The following APOB variants were observed in gnomAD, a reference collection of about 807,000 sequenced individuals.
APOB encodes apolipoprotein B-100.
A neutral mutation model predicts 314.1 loss-of-function variants in APOB; 153 were observed. The observed-to-expected ratio is 0.49, with a 90% CI of 0.43 to 0.56. APOB has a LOEUF of 0.56. Ranked by LOEUF, APOB falls within the 20% of genes least tolerant of loss-of-function variation. The pLI, the probability that APOB is intolerant of heterozygous loss-of-function variation, is 0.00. For missense variants in APOB, 5,430 were observed against 5,350.7 expected, an observed-to-expected ratio of 1.01 and a Z score of -0.46; for synonymous variants, 2,087 against 2,036.4, an observed-to-expected ratio of 1.02 and a Z score of -0.67.
rs1243227858 is a variant in APOB, at chr2:21,008,050, C to T, written c.8818G>A (p.Gly2940Arg). 1 of 1,613,934 alleles carries T rather than the reference C, an allele frequency of 6.2e-7. No homozygotes were observed. The highest frequency in any genetic ancestry group is 1.3e-5 in the African/African-American group (1 of 74,894). Reference sequence around the variant, plus strand: ...AAACTAATTTGTGATTCATGTGTTCCCTCATCTGAGAATCTGGGGCAGGCC... The same window carrying T: ...AAACTAATTTGTGATTCATGTGTTCTCTCATCTGAGAATCTGGGGCAGGCC... ...KWACPRFSDE[G>R]THESQISFTI... Residue 2940 changes from glycine (G) to arginine (R), a missense_variant, in exon 26 of 29, where the codon GGA (glycine) becomes AGA (arginine). Gly to Arg is a moderately radical substitution (Grantham distance 125). Transcript: ENST00000233242.
chr2:21,043,612 C>T, intron 1 of APOB, 61 bp from the exon 2 acceptor site: 1 of 1,561,116 alleles, frequency 6.4e-7, no homozygotes, highest in Admixed American at 1.9e-5. Flanking sequence ...GTGCTAGGGC[C>T]CGACAGGGGG....
chr2:21,027,774 T>C, intron 14 of APOB, 54 bp downstream of exon 14: 1 of 1,390,424 alleles, frequency 7.2e-7, no homozygotes, highest in Non-Finnish European at 1.0e-6. Flanking sequence ...AGGGACTCTC[T>C]GTTTATGATG....
Position 21,027,839 on chromosome 2 carries a change from C to G in APOB, c.2056G>C (p.Asp686His). The G allele has an allele frequency of 6.2e-7, 1 of 1,612,936 alleles. No homozygotes were observed. Among genetic ancestry groups the G allele is most frequent in the Non-Finnish European group, 8.5e-7 (1 of 1,178,930 alleles). ...CTCTTCACACTTACCTCGATGAGGT[C>G]AGCTGAAGCAAATCCAAAGGCAGTG... is the stretch of plus-strand genomic sequence containing the variant. ...TLTAFGFASA[D>H]LIEIGLEGKG... The change falls in exon 14 of 29, where the codon GAC becomes CAC. Residue 686 changes from aspartate (D) to histidine (H), a missense_variant. Physicochemically the swap from Asp to His is moderately conservative, Grantham distance 81. Around this residue, in one of 3 missense-constraint regions of APOB, gnomAD observed 2,085 missense variants for 2,079.7 expected, o/e 1.00. Transcript: ENST00000233242.
In APOB at chr2:21,019,657, G is replaced by A; in HGVS notation, c.2999+66C>T. The A allele has an allele frequency of 4.0e-6, 6 of 1,507,742 alleles. 2 individuals carry two copies. The South Asian group carries it at 6.9e-5, about 17-fold the overall frequency. The allele number at this position is 1,507,742 out of a possible 1,614,324, so 93.4% of individuals were successfully genotyped here. A position where few individuals can be genotyped will look rare whatever the true frequency, so the allele number is the denominator to read the frequency against. Reference sequence around the variant, plus strand: ...TACAACACAGAGTATTTTTTCCTGTGCCATGCTAGGTGGCCATGATGTGGA... The same window carrying A: ...TACAACACAGAGTATTTTTTCCTGTACCATGCTAGGTGGCCATGATGTGGA... On this transcript the variant is annotated intron_variant, in intron 19 of 28. Coordinates refer to ENST00000233242, the MANE Select transcript of APOB (RefSeq NM_000384.3).
rs1225465488 is a variant in APOB at position 21,016,508 on chromosome 2, G to A, written c.3263C>T (p.Thr1088Met). The A allele has an allele frequency of 6.2e-7, 1 of 1,610,868 alleles. No individual in the cohort carries two copies. Among genetic ancestry groups the A allele is most frequent in the African/African-American group, 1.3e-5 (1 of 74,942 alleles). Residue 1088 changes from threonine (T) to methionine (M), a missense_variant, in exon 21 of 29, where the codon ACG becomes ATG. Thr to Met is a moderately conservative substitution (Grantham distance 81). This residue lies in a region of APOB where 2,085 missense variants were observed against 2,079.7 expected (regional missense o/e 1.00). Transcript: ENST00000233242. ...RVNDESTEGK[T>M]SYRLTLDIQN... ...AATGTCCAGGGTGAGTCTGTAAGAC[G>A]TTTTGCCCTCAGTAGATTCATCATT...
rs780043912 is a variant in APOB at position 21,009,825 on chromosome 2, T to C, written c.7043A>G (p.Tyr2348Cys). The C allele has an allele frequency of 1.2e-6, 2 of 1,614,074 alleles. No individual in the cohort carries two copies. Among genetic ancestry groups the C allele is most frequent in the East Asian group, 4.5e-5 (2 of 44,862 alleles). ...RAKVHELIER[Y>C]EVDQQIQVLM... ...AACCTGGATTTGTTGGTCTACTTCA[T>C]ACCTCTCGATTAACTCATGGACTTT... The change falls in exon 26 of 29, where the codon TAT (tyrosine) becomes TGT (cysteine). Residue 2348 changes from tyrosine (Y) to cysteine (C), a missense_variant. Coordinates refer to ENST00000233242, the MANE Select transcript of APOB (RefSeq NM_000384.3).
Position 21,002,877 on chromosome 2 carries a change from A to G in APOB, c.12545T>C (p.Phe4182Ser). The change falls in exon 29 of 29, where the codon TTC becomes TCC. Residue 4182 changes from phenylalanine to serine, a missense_variant. Transcript: ENST00000233242. ...FDGLVRVTQE[F>S]HMKVKHLIDS... ...AATCAGATGCTTGACTTTCATATGG[A>G]ATTCTTGAGTAACTCGTACCAAGCC... The G allele has an allele frequency of 6.2e-7, 1 of 1,613,586 alleles. No homozygotes were observed. Among genetic ancestry groups the G allele is most frequent in the Non-Finnish European group, 8.5e-7 (1 of 1,179,850 alleles).
intron 20 of APOB, among the ~76,000 whole-genome samples, chr2:21,016,891 G>A (rs1180754105): frequency 1.3e-5 from 2 of 151,942 alleles, no homozygotes; most frequent in African/African-American, 4.8e-5. Flanking sequence ...GGCTGAGGCA[G>A]GAGAATGGCA....
chr2:21,037,852 A>T, intron 5 of APOB, 106 bp downstream of exon 5: 2 of 1,396,048 alleles, frequency 1.4e-6, no homozygotes, highest in Non-Finnish European at 2.0e-6. Context: ...CTATGTAACT[A>T]GTCATGGAGC....
chr2:21,012,991 G>A (rs559732919), intron 25 of APOB, among the ~76,000 whole-genome samples, 169 bp downstream of exon 25: 15 of 152,262 alleles, frequency 9.9e-5, no homozygotes, highest in South Asian at 4.1e-4. Flanking sequence ...TTTAATACAC[G>A]TGATATGTTT....
Position 21,013,106 on chromosome 2 carries a change from C to T in APOB, c.4216+54G>A, listed in dbSNP as rs921811735. 9.9e-6 allele frequency: 16 copies of T among 1,609,800 alleles called. No individual in the cohort carries two copies. In the African/African-American group the frequency reaches 1.9e-4, roughly 19 times the overall value. On this transcript the variant is annotated intron_variant, in intron 25 of 28. Transcript: ENST00000233242. The stretch of plus-strand genomic sequence containing the variant: ...TTTCCTCCCTGGAGGAGGCTCTCCT[C>T]TTAGAGCCTGCCATGAACTAGCCCG...
In APOB at chr2:21,029,884, A is replaced by G. The variant is rs1384106972; in HGVS notation, c.1470+14T>C. On this transcript the variant is annotated intron_variant, in intron 11 of 28. Transcript: ENST00000233242. ...TTCTGAAATGATGTATGTCATATAA[A>G]AGACTGAGATTACCCGCAGAATCAA... 1.9e-6 allele frequency: 3 copies of G among 1,610,366 alleles called. No homozygotes were observed. In the Middle Eastern group the frequency reaches 5.0e-4, roughly 266 times the overall value.
chr2:21,033,809 CA>C (rs1558574600), intron 8 of APOB, among the ~76,000 whole-genome samples: 1 of 152,186 alleles, frequency 6.6e-6, no homozygotes, highest in East Asian at 1.9e-4. Context: ...CCCTGGATCT[CA>C]GCTCTGAGTC....
intron 26 of APOB, 34 bp from the exon 27 acceptor site, chr2:21,004,709 C>T: frequency 6.8e-7 from 1 of 1,473,574 alleles, no homozygotes; most frequent in Non-Finnish European, 9.5e-7. Flanking sequence ...TTATTAGATT[C>T]ATAACAGTAG....
In APOB at chr2:21,018,894, C is replaced by A. The variant is rs1663535190; in HGVS notation, c.3121+98G>T. On this transcript the variant is annotated intron_variant, in intron 20 of 28. Coordinates refer to ENST00000233242, the MANE Select transcript of APOB (RefSeq NM_000384.3). ...TGCCGCTTAGTGGGTACTCAGTTAA[C>A]CTATTTGTTAAATAGGTTAAATTAC... 1.9e-6 allele frequency: 3 copies of A among 1,581,460 alleles called. No individual in the cohort carries two copies. In the African/African-American group the frequency reaches 4.0e-5, roughly 21 times the overall value.
At chr2:21,033,857 G>A (rs1349119485) in intron 8 of APOB, among the ~76,000 whole-genome samples, 2 of 152,220 alleles carry the variant, frequency 1.3e-5, no homozygotes, top group Non-Finnish European at 2.9e-5. Flanking sequence ...CCAGAGATGA[G>A]GAAGTGTGAC....
rs373621211 is a variant in APOB, at chr2:21,005,352, T to A, written c.11516A>T (p.Asp3839Val). 41 of 1,613,844 alleles carry A rather than the reference T, an allele frequency of 2.5e-5. 1 individual carries two copies. The South Asian group carries it at 4.5e-4, about 18-fold the overall frequency. Residue 3839 changes from aspartate (D) to valine (V), a missense_variant, in exon 26 of 29, where the codon GAT becomes GTT. Asp to Val is a radical substitution (Grantham distance 152). Around this residue, in one of 3 missense-constraint regions of APOB, gnomAD observed 3,281 missense variants for 3,171.0 expected, o/e 1.03. Coordinates refer to ENST00000233242, the MANE Select transcript of APOB (RefSeq NM_000384.3). ...KSVSDGIAAL[D>V]LNAVANKIAD... ...GATCTTGTTGGCTACTGCATTTAGA[T>A]CCAAAGCAGCAATGCCATCTGAAAC... is the stretch of plus-strand genomic sequence containing the variant.
intron 11 of APOB, 29 bp from the exon 12 acceptor site, chr2:21,029,814 A>G: frequency 6.2e-7 from 1 of 1,613,854 alleles, no homozygotes; most frequent in Non-Finnish European, 8.5e-7. Context: ...ACAAGAACCC[A>G]TCAGGGTGCA....
intron 21 of APOB, 74 bp from the exon 22 acceptor site, chr2:21,015,619 T>C: frequency 7.2e-6 from 11 of 1,523,272 alleles, no homozygotes; most frequent in Non-Finnish European, 9.9e-6. Context: ...AAACAGAAGT[T>C]CCATTTGTGG....
Sources: gnomAD v4.1 joint callset for allele counts (sites outside exome capture counted in the v4.1 genomes callset) on GRCh38, gnomAD v4.1.1 for gene constraint, gnomAD v4.1.1 regional missense constraint, MANE v1.5 for transcripts, NCBI Gene and HGNC (gene_info 2026-07-23, HGNC 2026-07-21) for gene names.